Variants in GPBP1 observed in about 807,000 individuals in gnomAD.
GPBP1 encodes GC-rich promoter binding protein 1, also known as vasculin.
GPBP1 carries 13 observed loss-of-function variants against 56.5 expected under a neutral mutation model. That is an observed-to-expected ratio of 0.23 (90% CI 0.15 to 0.37). GPBP1 has a LOEUF of 0.37. Ranked by LOEUF, GPBP1 falls within the 10% of genes least tolerant of loss-of-function variation. GPBP1 has a pLI of 1.00. For missense variants in GPBP1, 477 were observed against 572.3 expected (o/e 0.83, Z 1.70); for synonymous variants, 204 against 188.9 (o/e 1.08, Z -0.66).
chr5:57,253,252 A>G (rs1286415398), intron 10 of GPBP1, among the ~76,000 whole-genome samples: 2 of 152,244 alleles, frequency 1.3e-5, no homozygotes, highest in Non-Finnish European at 2.9e-5. Context: ...AAGCAAAGAA[A>G]GTTAATAGTT....
intron 2 of GPBP1, among the ~76,000 whole-genome samples, chr5:57,210,851 C>T (rs1755445727): frequency 6.6e-6 from 1 of 152,106 alleles, no homozygotes; most frequent in Non-Finnish European, 1.5e-5. Context: ...GTGCATGTGT[C>T]CAAATTTCTT....
At chr5:57,247,724 C>T (rs1318382080) in intron 8 of GPBP1, among the ~76,000 whole-genome samples, 1 of 151,960 alleles carries the variant, frequency 6.6e-6, no homozygotes, top group Non-Finnish European at 1.5e-5. Flanking sequence ...GAATTCCAAA[C>T]ATCCTAATAA....
intron 2 of GPBP1, among the ~76,000 whole-genome samples, chr5:57,176,614 A>C (rs532629619): frequency 4.6e-5 from 7 of 152,362 alleles, no homozygotes; most frequent in Admixed American, 3.3e-4. Context: ...TTTCAGATTC[A>C]AACAGTCCTA....
intron 3 of GPBP1, among the ~76,000 whole-genome samples, chr5:57,228,415 A>T (rs1199859905): frequency 6.6e-6 from 1 of 151,644 alleles, no homozygotes; most frequent in African/African-American, 2.4e-5. Context: ...AGATTGCACC[A>T]TTGCACTCCA....
chr5:57,178,645 A>T (rs942945847), intron 2 of GPBP1, among the ~76,000 whole-genome samples: 1 of 152,240 alleles, frequency 6.6e-6, no homozygotes, highest in African/African-American at 2.4e-5. Flanking sequence ...AATTAACTTT[A>T]ATCTGTGAAT....
At chr5:57,220,831 C>G (rs2111801069) in intron 3 of GPBP1, among the ~76,000 whole-genome samples, 1 of 149,642 alleles carries the variant, frequency 6.7e-6, no homozygotes, top group Admixed American at 6.6e-5. Context: ...AAACACAATA[C>G]TTTCTAGTGA....
rs541327959 is a variant in GPBP1 at position 57,236,847 on chromosome 5, T to C, written c.478+815T>C. ...TTCATTTGTATTTTTCTATTGAAAA[T>C]CAACTCACTAAAACAAAAGGATTGT... is the stretch of plus-strand genomic sequence containing the variant. On this transcript the variant is annotated intron_variant, in intron 6 of 11. Transcript: ENST00000506184. Among the ~76,000 whole-genome samples the C allele has an allele frequency of 2.4e-4, 37 of 152,204 alleles. 1 individual carries two copies. Among genetic ancestry groups the C allele is most frequent in the Middle Eastern group, 3.4e-3 (1 of 294 alleles).
chr5:57,199,631 G>C (rs541061712), intron 2 of GPBP1, among the ~76,000 whole-genome samples: 3 of 152,116 alleles, frequency 2.0e-5, no homozygotes, highest in Non-Finnish European at 2.9e-5. Flanking sequence ...TGCCACGTTG[G>C]TGTGCTGCAC....
chr5:57,212,110 T>C (rs577113200), intron 2 of GPBP1, among the ~76,000 whole-genome samples: 1 of 152,002 alleles, frequency 6.6e-6, no homozygotes, highest in South Asian at 2.1e-4. Context: ...CTAATTTTTG[T>C]ATTTTTATGG....
intron 2 of GPBP1, among the ~76,000 whole-genome samples, chr5:57,197,618 C>CA (rs1037302493): frequency 2.0e-5 from 3 of 152,192 alleles, no homozygotes; most frequent in African/African-American, 7.2e-5. Context: ...GTCAGCCTCT[C>CA]AAAGTGCTGG....
intron 2 of GPBP1, among the ~76,000 whole-genome samples, chr5:57,213,537 C>A (rs1242511279): frequency 1.3e-5 from 2 of 151,828 alleles, no homozygotes; most frequent in East Asian, 3.9e-4. Context: ...CATTAAAAGC[C>A]ACTATTTGTC....
chr5:57,203,472 C>G (rs911228491), intron 2 of GPBP1, among the ~76,000 whole-genome samples: 4 of 152,022 alleles, frequency 2.6e-5, no homozygotes, highest in African/African-American at 7.3e-5. Context: ...CCTGTCTCTA[C>G]TAAAAATACA....
At chr5:57,251,332 C>T (rs1741375982) in intron 10 of GPBP1, among the ~76,000 whole-genome samples, 191 bp downstream of exon 10, 1 of 152,138 alleles carries the variant, frequency 6.6e-6, no homozygotes, top group Non-Finnish European at 1.5e-5. Flanking sequence ...TTTTCATTTG[C>T]ACTCTGTCCT....
chr5:57,214,272 GTAA>G (rs1228381174), intron 3 of GPBP1, 79 bp downstream of exon 3: 1 of 1,204,070 alleles, frequency 8.3e-7, no homozygotes, highest in African/African-American at 1.5e-5. Flanking sequence ...TCATGGAGGA[GTAA>G]TAATATCTTT....
intron 3 of GPBP1, among the ~76,000 whole-genome samples, chr5:57,215,554 C>G (rs1193375513): frequency 6.6e-6 from 1 of 152,160 alleles, no homozygotes; most frequent in Non-Finnish European, 1.5e-5. Context: ...GGCCCAGTCT[C>G]CTGAGGTTGG....
intron 2 of GPBP1, among the ~76,000 whole-genome samples, chr5:57,212,629 T>C (rs552152018): frequency 6.6e-5 from 10 of 152,222 alleles, no homozygotes; most frequent in Admixed American, 5.2e-4. Context: ...ATTTGTTTTT[T>C]ATATCTGGTT....
intron 6 of GPBP1, among the ~76,000 whole-genome samples, chr5:57,241,982 G>T (rs1171343474): frequency 6.6e-6 from 1 of 152,130 alleles, no homozygotes; most frequent in Admixed American, 6.5e-5. Context: ...GATACATGAT[G>T]CAAATTAATT....
rs575100643 is a variant in GPBP1, at chr5:57,188,661, TAAACACGTCAGGC to T, written c.-58+12263_-58+12275del. ...GGGAGGCTGAGGCATGAGAATTGCTTAAACACGTCAGGCAGAGGTTGTAGTGAGCCGAGATCGT... is the reference window on the plus strand; with the variant it reads ...GGGAGGCTGAGGCATGAGAATTGCTTAGAGGTTGTAGTGAGCCGAGATCGT... On this transcript the variant is annotated intron_variant, in intron 2 of 11. Transcript: ENST00000506184. Among the ~76,000 whole-genome samples the T allele has an allele frequency of 3.3e-5, 5 of 152,150 alleles. No homozygotes were observed. The South Asian group carries it at 8.3e-4, about 25-fold the overall frequency.
intron 2 of GPBP1, among the ~76,000 whole-genome samples, chr5:57,186,031 G>C (rs1754270906): frequency 1.3e-5 from 2 of 151,934 alleles, no homozygotes; most frequent in African/African-American, 4.8e-5. Context: ...TACATGTTTT[G>C]CAAATAATTT....
Sources: gnomAD v4.1 joint callset for allele counts (sites outside exome capture counted in the v4.1 genomes callset) on GRCh38, gnomAD v4.1.1 for gene constraint, MANE v1.5 for transcripts, NCBI Gene and HGNC (gene_info 2026-07-23, HGNC 2026-07-21) for gene names.